Variants in ADAMTSL3 observed in about 807,000 individuals in gnomAD.
The protein encoded by ADAMTSL3 is ADAMTS like 3, also known as ADAMTS-like protein 3.
In ADAMTSL3, 128 loss-of-function variants were observed where a neutral mutation model predicts 201.7. The ratio of observed to expected loss-of-function variants is 0.63; its 90% confidence interval spans 0.55 to 0.73. ADAMTSL3 has a LOEUF of 0.73. Ranked by LOEUF, ADAMTSL3 falls within the 30% of genes least tolerant of loss-of-function variation. ADAMTSL3 has a pLI of 0.00. For synonymous variants in ADAMTSL3, 738 were observed against 748.4 expected (o/e 0.99, Z 0.23); for missense variants, 1,990 against 2,119.6 (o/e 0.94, Z 1.20).
At chr15:84,019,750 G>A (rs191240111) in intron 25 of ADAMTSL3, among the ~76,000 whole-genome samples, 8 of 151,792 alleles carry the variant, frequency 5.3e-5, no homozygotes, top group African/African-American at 1.7e-4. Context: ...AAATGAGCCC[G>A]GCGCGGTGGT....
At chr15:83,877,765 A>G (rs2065203297) in intron 9 of ADAMTSL3, among the ~76,000 whole-genome samples, 1 of 152,128 alleles carries the variant, frequency 6.6e-6, no homozygotes, top group African/African-American at 2.4e-5. Flanking sequence ...ATTTCTCTCA[A>G]TAATGTTCAT....
chr15:83,798,492 C>A (rs953682994), intron 4 of ADAMTSL3, among the ~76,000 whole-genome samples: 1 of 152,176 alleles, frequency 6.6e-6, no homozygotes, highest in African/African-American at 2.4e-5. Context: ...GCCTGTGGCA[C>A]ACCCACTTTT....
chr15:83,994,587 T>G (rs1161169932), intron 23 of ADAMTSL3, among the ~76,000 whole-genome samples: 8 of 1,642 alleles, frequency 4.9e-3, no homozygotes, highest in African/African-American at 0.02. Context: ...TGTTTTTTCG[T>G]TTTTTTTTTT....
chr15:83,818,588 A>G (rs2063805132), intron 5 of ADAMTSL3, among the ~76,000 whole-genome samples: 1 of 152,148 alleles, frequency 6.6e-6, no homozygotes, highest in Non-Finnish European at 1.5e-5. Context: ...CAGCCACCCA[A>G]AGTGCTGGGA....
rs924513784 is a variant in ADAMTSL3 at position 83,937,679 on chromosome 15, GTA to G, written c.2118-4915_2118-4914del. 6.6e-5 allele frequency among the ~76,000 whole-genome samples: 10 copies of G among 150,908 alleles called. 1 individual carries two copies. The highest frequency in any genetic ancestry group is 2.5e-4 in the African/African-American group (10 of 40,298). On this transcript the variant is annotated intron_variant, in intron 17 of 29. Coordinates refer to ENST00000286744, the MANE Select transcript of ADAMTSL3 (RefSeq NM_207517.3). The stretch of plus-strand genomic sequence containing the variant: ...TAAAATGTTTAAAAATTATCATTAC[GTA>G]TGTTAAAAGTCAAGGATCAGTGCTA...
chr15:83,971,803 C>T (rs186392602), intron 20 of ADAMTSL3, among the ~76,000 whole-genome samples: 1 of 149,850 alleles, frequency 6.7e-6, no homozygotes, highest in African/African-American at 2.4e-5. Context: ...AGTTACCCTC[C>T]TGAACGTTTG....
chr15:83,719,070 GGA>G (rs886403717), intron 3 of ADAMTSL3, among the ~76,000 whole-genome samples: 42 of 152,202 alleles, frequency 2.8e-4, no homozygotes, highest in African/African-American at 9.9e-4. Flanking sequence ...TCGCAAAAAG[GGA>G]GACAGCCAAA....
At chr15:84,007,386 T>C (rs746661240) in intron 23 of ADAMTSL3, among the ~76,000 whole-genome samples, 8 of 152,138 alleles carry the variant, frequency 5.3e-5, no homozygotes, top group African/African-American at 9.7e-5. Flanking sequence ...ACTTAAATGA[T>C]TTAGTCAAGA....
intron 4 of ADAMTSL3, among the ~76,000 whole-genome samples, chr15:83,777,761 A>G (rs2063103308): frequency 6.6e-6 from 1 of 152,176 alleles, no homozygotes; most frequent in Non-Finnish European, 1.5e-5. Context: ...AGTGTTCTGA[A>G]CCAGGTTGAG....
At chr15:83,909,435 C>A (rs774426915) in intron 15 of ADAMTSL3, among the ~76,000 whole-genome samples, 10 of 152,044 alleles carry the variant, frequency 6.6e-5, no homozygotes, top group Non-Finnish European at 1.5e-4. Flanking sequence ...TTCTGAGCAG[C>A]TTTTCTGTTT....
intron 9 of ADAMTSL3, among the ~76,000 whole-genome samples, chr15:83,878,275 A>G (rs914782063): frequency 6.6e-6 from 1 of 152,204 alleles, no homozygotes; most frequent in Non-Finnish European, 1.5e-5. Context: ...AACCAACTGT[A>G]TCTTCCTGTG....
At chr15:83,863,184 A>C (rs1187747891) in intron 8 of ADAMTSL3, among the ~76,000 whole-genome samples, 10 of 152,124 alleles carry the variant, frequency 6.6e-5, no homozygotes, top group African/African-American at 1.9e-4. Flanking sequence ...GACTTTAACA[A>C]CCCACTGTCA....
At chr15:83,698,190 A>G (rs2061713727) in intron 2 of ADAMTSL3, among the ~76,000 whole-genome samples, 1 of 152,192 alleles carries the variant, frequency 6.6e-6, no homozygotes. Context: ...TTTCTATTAT[A>G]TCATAATATC....
At chr15:84,015,176 C>A (rs983586667) in intron 24 of ADAMTSL3, among the ~76,000 whole-genome samples, 1 of 152,122 alleles carries the variant, frequency 6.6e-6, no homozygotes, top group Non-Finnish European at 1.5e-5. Flanking sequence ...AATCTCTTGA[C>A]CTCGTGATCT....
At chr15:83,697,407 G>A (rs2061700724) in intron 2 of ADAMTSL3, among the ~76,000 whole-genome samples, 1 of 152,060 alleles carries the variant, frequency 6.6e-6, no homozygotes, top group Non-Finnish European at 1.5e-5. Flanking sequence ...AGACCCCACA[G>A]GTTAAGGGCT....
chr15:83,730,250 A>G (rs1393905985), intron 3 of ADAMTSL3, among the ~76,000 whole-genome samples: 1 of 152,150 alleles, frequency 6.6e-6, no homozygotes, highest in Non-Finnish European at 1.5e-5. Flanking sequence ...ATGGAACATT[A>G]TAGAAGGCAC....
Position 83,978,396 on chromosome 15 carries a change from G to GGA in ADAMTSL3, c.2645-3875_2645-3874dup, listed in dbSNP as rs146330952. Among the ~76,000 whole-genome samples, 372 of 152,158 alleles carry GGA rather than the reference G, an allele frequency of 2.4e-3. 1 individual carries two copies. Among genetic ancestry groups the GGA allele is most frequent in the African/African-American group, 8.5e-3 (352 of 41,498 alleles). ...TCACATTTAGCACAGTGGGAGAGGT[G>GGA]GAGGGATGGGTTAATGCTCTTGCAC... On this transcript the variant is annotated intron_variant, in intron 20 of 29. Transcript: ENST00000286744.
intron 23 of ADAMTSL3, among the ~76,000 whole-genome samples, chr15:84,004,134 A>G (rs1371804757): frequency 6.6e-6 from 1 of 151,778 alleles, no homozygotes; most frequent in African/African-American, 2.4e-5. Flanking sequence ...TTTTCTTTTC[A>G]TTCATTTATT....
At chr15:83,763,241 T>G (rs1055458037) in intron 3 of ADAMTSL3, among the ~76,000 whole-genome samples, 1 of 152,204 alleles carries the variant, frequency 6.6e-6, no homozygotes, top group Non-Finnish European at 1.5e-5. Context: ...GCTCCCAGTT[T>G]GATCTACAGA....
Sources: allele counts gnomAD v4.1 joint callset (sites outside exome capture counted in the v4.1 genomes callset), GRCh38; gene constraint gnomAD v4.1.1; transcripts MANE v1.5; gene names NCBI Gene and HGNC (gene_info 2026-07-23, HGNC 2026-07-21).